SHQ1: variants seen among roughly 807,000 people sequenced by gnomAD.
SHQ1 encodes SHQ1, H/ACA ribonucleoprotein assembly factor.
SHQ1 carries 49 observed loss-of-function variants against 53.8 expected under a neutral mutation model. That is an observed-to-expected ratio of 0.91 (90% CI 0.72 to 1.16). The LOEUF (loss-of-function observed/expected upper bound fraction) is 1.16. Ranked by LOEUF, SHQ1 falls within the 50% of genes most tolerant of loss-of-function variation. The pLI, the probability that SHQ1 is intolerant of heterozygous loss-of-function variation, is 0.00. For missense variants in SHQ1, 738 were observed against 683.1 expected (o/e 1.08, Z -0.90); for synonymous variants, 243 against 251.0 (o/e 0.97, Z 0.30).
At chr3:72,838,937 A>G (rs1708077628) in intron 4 of SHQ1, among the ~76,000 whole-genome samples, 1 of 151,864 alleles carries the variant, frequency 6.6e-6, no homozygotes, top group Non-Finnish European at 1.5e-5. Flanking sequence ...ATCCAAAAAG[A>G]AAGTATAGCA....
intron 9 of SHQ1, among the ~76,000 whole-genome samples, chr3:72,805,937 G>A (rs1706928748): frequency 6.6e-6 from 1 of 152,090 alleles, no homozygotes; most frequent in Non-Finnish European, 1.5e-5. Context: ...TACCATGAGA[G>A]CAATCTAAAC....
chr3:72,739,199 G>T, the SHQ1 span, among the ~76,000 whole-genome samples: 513 of 152,316 alleles, frequency 3.4e-3, 4 homozygotes, highest in African/African-American at 0.012. Flanking sequence ...ATGCAGGATG[G>T]TTTGTGTACA....
intron 9 of SHQ1, among the ~76,000 whole-genome samples, chr3:72,812,196 T>C (rs1707145799): frequency 6.6e-6 from 1 of 152,206 alleles, no homozygotes; most frequent in Non-Finnish European, 1.5e-5. Flanking sequence ...AGGTTACATG[T>C]CCCCTCCTAA....
At chr3:72,830,152 T>G (rs1247240771) in intron 5 of SHQ1, among the ~76,000 whole-genome samples, 1 of 151,090 alleles carries the variant, frequency 6.6e-6, no homozygotes, top group Non-Finnish European at 1.5e-5. Context: ...AACATCCAGA[T>G]TTTACAATAA....
chr3:72,829,939 T>G (rs1415561389), intron 5 of SHQ1, among the ~76,000 whole-genome samples: 2 of 152,126 alleles, frequency 1.3e-5, no homozygotes, highest in Non-Finnish European at 2.9e-5. Flanking sequence ...TTGGCTATAA[T>G]AATAAGCAGT....
intron 5 of SHQ1, among the ~76,000 whole-genome samples, chr3:72,825,850 A>G (rs1707636269): frequency 6.6e-6 from 1 of 152,172 alleles, no homozygotes; most frequent in South Asian, 2.1e-4. Context: ...TTCAACTGAG[A>G]TACTGAAATC....
At chr3:72,806,727 T>G (rs750700030) in intron 9 of SHQ1, among the ~76,000 whole-genome samples, 7 of 152,196 alleles carry the variant, frequency 4.6e-5, no homozygotes, top group Non-Finnish European at 1.0e-4. Flanking sequence ...TCACATGGTT[T>G]ACTCACAATG....
intron 10 of SHQ1, among the ~76,000 whole-genome samples, chr3:72,765,739 G>C (rs1335620183): frequency 6.6e-6 from 1 of 151,434 alleles, no homozygotes; most frequent in Non-Finnish European, 1.5e-5. Context: ...TTTTAGTAGA[G>C]ACGGGGTTTC....
chr3:72,772,714 G>T (rs1705880664), intron 10 of SHQ1: 1 of 733,852 alleles, frequency 1.4e-6, no homozygotes, highest in East Asian at 2.5e-5. Flanking sequence ...GGAAGATGTA[G>T]ATGGAATTCC....
chr3:72,846,207 T>C, intron 1 of SHQ1: 1 of 1,535,814 alleles, frequency 6.5e-7, no homozygotes, highest in South Asian at 1.2e-5. Context: ...AAAATTATAT[T>C]TGCTTACATG....
intron 10 of SHQ1, among the ~76,000 whole-genome samples, chr3:72,765,283 A>G (rs1328291463): frequency 1.3e-5 from 2 of 151,654 alleles, no homozygotes; most frequent in African/African-American, 2.4e-5. Context: ...CCCTGAACCC[A>G]TTTCTGTCCA....
chr3:72,803,867 A>G (rs985423287), intron 9 of SHQ1, among the ~76,000 whole-genome samples: 2 of 152,174 alleles, frequency 1.3e-5, no homozygotes, highest in Non-Finnish European at 2.9e-5. Context: ...TGTTAGCTCA[A>G]GGGCAATACA....
intron 5 of SHQ1, among the ~76,000 whole-genome samples, chr3:72,826,117 T>A (rs1331946736): frequency 6.6e-6 from 1 of 152,200 alleles, no homozygotes; most frequent in Admixed American, 6.5e-5. Flanking sequence ...GACTCCAAGC[T>A]CTTAACCAAC....
At chr3:72,793,877 G>C (rs916099488) in intron 9 of SHQ1, 21 of 152,158 alleles carry the variant, frequency 1.4e-4, no homozygotes, top group Non-Finnish European at 2.9e-5. Flanking sequence ...AAACTCACAT[G>C]AACAAAAGCC....
intron 10 of SHQ1, among the ~76,000 whole-genome samples, chr3:72,781,530 A>G (rs947535877): frequency 7.9e-5 from 12 of 152,246 alleles, no homozygotes; most frequent in African/African-American, 2.6e-4. Flanking sequence ...AGTTTTTCTC[A>G]TTGTTTTGGT....
At chr3:72,798,007 G>A (rs527529252) in intron 9 of SHQ1, among the ~76,000 whole-genome samples, 14 of 152,272 alleles carry the variant, frequency 9.2e-5, no homozygotes, top group African/African-American at 3.1e-4. Flanking sequence ...TCACATGGCC[G>A]GTGGCCAGAA....
chr3:72,824,580 A>G (rs771162839), intron 5 of SHQ1, 29 bp from the exon 6 acceptor site: 4 of 1,587,640 alleles, frequency 2.5e-6, no homozygotes, highest in Admixed American at 1.9e-5. Flanking sequence ...AGAACTTACT[A>G]TACAGGATTT....
chr3:72,785,533 T>A (rs1321646072), intron 10 of SHQ1, among the ~76,000 whole-genome samples: 1 of 152,218 alleles, frequency 6.6e-6, no homozygotes, highest in African/African-American at 2.4e-5. Flanking sequence ...GGATTTCTTA[T>A]CTGACCCTAT....
chr3:72,789,825 G>A (rs1303955420), intron 10 of SHQ1, among the ~76,000 whole-genome samples: 5 of 152,062 alleles, frequency 3.3e-5, no homozygotes. Context: ...GAACATCCAT[G>A]AGAAAGACAG....
Sources: gnomAD v4.1 joint callset for allele counts (sites outside exome capture counted in the v4.1 genomes callset) on GRCh38, gnomAD v4.1.1 for gene constraint, MANE v1.5 for transcripts, NCBI Gene and HGNC (gene_info 2026-07-23, HGNC 2026-07-21) for gene names.